ATM: variants seen among roughly 807,000 people sequenced by gnomAD.
ATM encodes serine-protein kinase ATM.
ATM carries 308 observed loss-of-function variants against 387.0 expected under a neutral mutation model. The ratio of observed to expected loss-of-function variants is 0.80; its 90% CI spans 0.73 to 0.87. The LOEUF is 0.87. Among genes scored for constraint, ATM ranks in the 40% least tolerant of loss-of-function variants. ATM has a pLI of 0.00. For missense variants in ATM, 3,312 were observed against 3,560.9 expected (o/e 0.93, Z 1.78); for synonymous variants, 1,156 against 1,187.3 (o/e 0.97, Z 0.54).
At chr11:108,269,771 T>C (rs751252196) in intron 18 of ATM, among the ~76,000 whole-genome samples, 8 of 152,194 alleles carry the variant, frequency 5.3e-5, no homozygotes, top group Non-Finnish European at 1.0e-4. Flanking sequence ...GGCTGAGTCA[T>C]TGGTGGAATC....
At chr11:108,294,850 A>AT in intron 31 of ATM, 77 bp from the exon 32 acceptor site, 1 of 1,544,774 alleles carries the variant, frequency 6.5e-7, no homozygotes, top group Admixed American at 1.7e-5. Flanking sequence ...CACTTAACTA[A>AT]TTTTTTTCTT....
At chr11:108,334,147 G>C (rs2086579947) in intron 54 of ATM, among the ~76,000 whole-genome samples, 179 bp downstream of exon 54, 1 of 152,030 alleles carries the variant, frequency 6.6e-6, no homozygotes, top group African/African-American at 2.4e-5. Flanking sequence ...ATACTCAAAA[G>C]CTTCTCCTGC....
rs567457294 is a variant in ATM at position 108,329,130 on chromosome 11, G to T, written c.7199G>T (p.Arg2400Ile). The T allele has an allele frequency of 1.2e-6, 2 of 1,614,050 alleles. No individual in the cohort carries two copies. The highest frequency in any genetic ancestry group is 3.3e-5 in the Admixed American group (2 of 60,004). ...CGGTTTTCAGATACTCAATACCAAA[G>T]AATTGAAAACTACATGAAATCATCG... is the stretch of plus-strand genomic sequence containing the variant. Reference protein sequence around the residue: ...LARFSDTQYQRIENYMKSSEF... With the variant: ...LARFSDTQYQIIENYMKSSEF... The change falls in exon 49 of 63, where the codon AGA (arginine) becomes ATA (isoleucine). Residue 2400 changes from arginine to isoleucine, a missense_variant. Arg to Ile is a moderately conservative substitution (Grantham distance 97). Coordinates refer to ENST00000675843, the MANE Select transcript of ATM (RefSeq NM_000051.4).
chr11:108,293,244 G>C (rs2135807804), intron 30 of ATM, 69 bp from the exon 31 acceptor site: 1 of 988,036 alleles, frequency 1.0e-6, no homozygotes, highest in Admixed American at 2.7e-5. Flanking sequence ...ATTTATTACA[G>C]TAAGTTTTGT....
intron 8 of ATM, among the ~76,000 whole-genome samples, chr11:108,247,586 AC>A (rs1486067913): frequency 6.6e-6 from 1 of 151,932 alleles, no homozygotes; most frequent in Non-Finnish European, 1.5e-5. Flanking sequence ...AATTCTGGAA[AC>A]TTTTTTTATT....
At chr11:108,314,039 A>G (rs193215686) in intron 40 of ATM, among the ~76,000 whole-genome samples, 2 of 152,326 alleles carry the variant, frequency 1.3e-5, no homozygotes, top group East Asian at 3.9e-4. Context: ...TTTCAAAGAA[A>G]AATCCACGAC....
intron 35 of ATM, among the ~76,000 whole-genome samples, chr11:108,302,553 A>G (rs905913218): frequency 6.6e-6 from 1 of 152,128 alleles, no homozygotes; most frequent in African/African-American, 2.4e-5. Flanking sequence ...GATGTGGTCT[A>G]GTTTTGTTCA....
intron 43 of ATM, among the ~76,000 whole-genome samples, chr11:108,318,076 A>G (rs1177009178): frequency 1.3e-5 from 2 of 152,096 alleles, no homozygotes; most frequent in African/African-American, 4.8e-5. Flanking sequence ...TTAAAAAATA[A>G]TACGGCCAGG....
chr11:108,285,792 G>A (rs2082459575), intron 26 of ATM, among the ~76,000 whole-genome samples: 1 of 152,058 alleles, frequency 6.6e-6, no homozygotes, highest in African/African-American at 2.4e-5. Context: ...CAGAGGTTAT[G>A]GAATTTGAGA....
At chr11:108,267,635 G>C (rs566858164) in intron 17 of ATM, among the ~76,000 whole-genome samples, 4 of 152,136 alleles carry the variant, frequency 2.6e-5, no homozygotes, top group African/African-American at 9.7e-5. Flanking sequence ...AAGGCGGGCT[G>C]ATCATGAGGT....
At chr11:108,363,719 C>G (rs181166720) in intron 61 of ATM, among the ~76,000 whole-genome samples, 2 of 152,304 alleles carry the variant, frequency 1.3e-5, no homozygotes, top group Admixed American at 6.5e-5. Context: ...TTTACTGTTT[C>G]CAACCACTTC....
At position 108,325,408 on chromosome 11, in the gene ATM, T is replaced by C. The variant is rs730881313; in HGVS notation, c.6671T>C (p.Met2224Thr). 1.9e-6 allele frequency: 3 copies of C among 1,613,858 alleles called. No individual in the cohort carries two copies. The highest frequency in any genetic ancestry group is 1.7e-6 in the Non-Finnish European group (2 of 1,179,852). Residue 2224 changes from methionine (M) to threonine (T), a missense_variant, in exon 46 of 63, where the codon ATG becomes ACG. Transcript: ENST00000675843. ...GATTTTAGTTTTCAGGAGCCTATCATGGCTCTACGCACAGTCATTTTGGAG... is the reference window on the plus strand; with the variant it reads ...GATTTTAGTTTTCAGGAGCCTATCACGGCTCTACGCACAGTCATTTTGGAG... ...DSDFSFQEPI[M>T]ALRTVILEIL...
At chr11:108,297,095 C>G in intron 32 of ATM, 192 bp from the exon 33 acceptor site, 1 of 574,452 alleles carries the variant, frequency 1.7e-6, no homozygotes, top group Non-Finnish European at 3.1e-6. Context: ...TTGCTAATCA[C>G]TTTCAAAAGA....
intron 52 of ATM, 44 bp downstream of exon 52, chr11:108,332,081 A>T: frequency 6.2e-7 from 1 of 1,601,206 alleles, no homozygotes; most frequent in Non-Finnish European, 8.5e-7. Flanking sequence ...TGTGATATTC[A>T]GTCTTTCCTA....
chr11:108,237,901 T>TTG, intron 5 of ATM, among the ~76,000 whole-genome samples: 1 of 33,144 alleles, frequency 3.0e-5, no homozygotes, highest in Non-Finnish European at 7.6e-5. Flanking sequence ...TTACTTAGGT[T>TTG]TTTTTTTTTT....
At position 108,229,368 on chromosome 11, in the gene ATM, T is replaced by C. The variant is rs776276698; in HGVS notation, c.331+45T>C. 20 of 1,530,568 alleles carry C rather than the reference T, an allele frequency of 1.3e-5. No homozygotes were observed. The South Asian group carries it at 2.3e-4, about 18-fold the overall frequency. 94.8% of individuals were successfully genotyped at this position (1,530,568 alleles called of 1,614,324 possible). A position where few individuals can be genotyped will look rare whatever the true frequency, so the allele number is the denominator to read the frequency against. ...ATAAATAAATGGCTTAACAGATTAC[T>C]GTCGCGTGAGTTTTTTTTTTTTTTC... On this transcript the variant is annotated intron_variant, in intron 4 of 62. Coordinates refer to ENST00000675843, the MANE Select transcript of ATM (RefSeq NM_000051.4).
At chr11:108,239,661 T>C (rs1352352038) in intron 5 of ATM, among the ~76,000 whole-genome samples, 6 of 152,170 alleles carry the variant, frequency 3.9e-5, no homozygotes, top group Non-Finnish European at 1.5e-5. Flanking sequence ...TACCCAGAAG[T>C]AGAATTGCTA....
chr11:108,344,525 T>C (rs977575268), intron 57 of ATM, among the ~76,000 whole-genome samples: 3 of 152,090 alleles, frequency 2.0e-5, no homozygotes, highest in Non-Finnish European at 2.9e-5. Context: ...CCCTAAAGGA[T>C]AGTAATATCA....
At chr11:108,255,569 G>A (rs999321258) in intron 13 of ATM, among the ~76,000 whole-genome samples, 2 of 151,756 alleles carry the variant, frequency 1.3e-5, no homozygotes, top group African/African-American at 2.4e-5. Context: ...GAGATTATAG[G>A]TGCCTGCCAT....
Sources: gnomAD v4.1 joint callset for allele counts (sites outside exome capture counted in the v4.1 genomes callset) on GRCh38, gnomAD v4.1.1 for gene constraint, MANE v1.5 for transcripts, NCBI Gene and HGNC (gene_info 2026-07-23, HGNC 2026-07-21) for gene names.